The following PADI4 variants were observed in gnomAD, a reference collection of about 807,000 sequenced individuals.
PADI4 encodes the protein protein-arginine deiminase type-4.
A neutral mutation model predicts 75.0 loss-of-function variants in PADI4; 62 were observed. That is an observed-to-expected ratio of 0.83 (90% CI 0.67 to 1.02). PADI4 has a LOEUF of 1.02. Ranked by LOEUF, PADI4 falls within the 50% of genes least tolerant of loss-of-function variation. The probability of loss-of-function intolerance (pLI) is 0.00; values close to 1 mark genes in which losing one functional copy is unlikely to be tolerated. For synonymous variants in PADI4, 361 were observed against 348.1 expected (o/e 1.04, Z -0.41); for missense variants, 845 against 850.5 (o/e 0.99, Z 0.08).
At chr1:17,318,357 T>C (rs2073976326) in intron 1 of PADI4, among the ~76,000 whole-genome samples, 1 of 152,154 alleles carries the variant, frequency 6.6e-6, no homozygotes, top group South Asian at 2.1e-4. Context: ...AGAATAACAA[T>C]GGCTCACTCA....
chr1:17,352,532 G>C (rs1478009333), intron 10 of PADI4, among the ~76,000 whole-genome samples: 1 of 152,092 alleles, frequency 6.6e-6, no homozygotes, highest in African/African-American at 2.4e-5. Flanking sequence ...TGCAGGCAGG[G>C]TGTGGCCAGA....
intron 2 of PADI4, among the ~76,000 whole-genome samples, chr1:17,331,688 C>A (rs113063571): frequency 6.6e-6 from 1 of 151,938 alleles, no homozygotes; most frequent in Non-Finnish European, 1.5e-5. Context: ...GAGGCCGAGG[C>A]GGGTGGATCA....
intron 10 of PADI4, chr1:17,348,288 G>A: frequency 2.6e-6 from 1 of 389,006 alleles, no homozygotes; most frequent in South Asian, 4.4e-5. Context: ...TGATCTCCAG[G>A]TAACCCTGCC....
In PADI4 at chr1:17,358,767, C is replaced by A. The variant is rs966356426; in HGVS notation, c.1559-71C>A. The A allele has an allele frequency of 2.1e-5, 20 of 962,186 alleles. No homozygotes were observed. In the East Asian group the frequency reaches 4.4e-4, roughly 21 times the overall value. 59.6% of individuals were successfully genotyped at this position (962,186 alleles called of 1,614,324 possible). On this transcript the variant is annotated intron_variant, in intron 13 of 15. Coordinates refer to ENST00000375448, the MANE Select transcript of PADI4 (RefSeq NM_012387.3). ...TAGATGGGAACACTGAGTCCCCCCC[C>A]GGCACTGGCTGGGAAGAGGGAAATC...
chr1:17,340,130 A>G (rs2074391812), intron 6 of PADI4, among the ~76,000 whole-genome samples: 1 of 151,766 alleles, frequency 6.6e-6, no homozygotes, highest in African/African-American at 2.4e-5. Context: ...GCATGTAATC[A>G]TTTGTTCTGC....
intron 1 of PADI4, among the ~76,000 whole-genome samples, chr1:17,324,269 A>G (rs1221619735): frequency 6.6e-6 from 1 of 151,368 alleles, no homozygotes; most frequent in Admixed American, 6.6e-5. Flanking sequence ...TGGGTATAAA[A>G]CCCTATTTCT....
intron 1 of PADI4, among the ~76,000 whole-genome samples, chr1:17,318,752 C>A (rs2073983728): frequency 6.7e-6 from 1 of 149,210 alleles, no homozygotes; most frequent in African/African-American, 2.5e-5. Context: ...GTGGCGCGAT[C>A]TTGGCTCACT....
chr1:17,308,340 T>C lies in PADI4; in HGVS notation c.92+26T>C. 3 of 1,579,656 alleles carry C rather than the reference T, an allele frequency of 1.9e-6. No homozygotes were observed. The South Asian group carries it at 3.3e-5, about 17-fold the overall frequency. On this transcript the variant is annotated intron_variant, in intron 1 of 15. Coordinates refer to ENST00000375448, the MANE Select transcript of PADI4 (RefSeq NM_012387.3). ...GTAAGAGGGGGGCCTTCTGGGGTTT[T>C]GGAGGCAGGTCAGGAGATGCTGGAT... is the stretch of plus-strand genomic sequence containing the variant.
Position 17,355,888 on chromosome 1 carries a change from G to A in PADI4, c.1311-95G>A, listed in dbSNP as rs909773413. ...CTCCTGCATCCCTTTCTCAGCTGAAGGAGAACCCTGACCTTTTTGCCAAGC... is the reference window on the plus strand; with the variant it reads ...CTCCTGCATCCCTTTCTCAGCTGAAAGAGAACCCTGACCTTTTTGCCAAGC... On this transcript the variant is annotated intron_variant, in intron 11 of 15. Coordinates refer to ENST00000375448, the MANE Select transcript of PADI4 (RefSeq NM_012387.3). The A allele has an allele frequency of 8.0e-5, 101 of 1,265,150 alleles. 1 individual carries two copies. The highest frequency in any genetic ancestry group is 9.7e-5 in the Non-Finnish European group (84 of 864,320). The allele number at this position is 1,265,150 out of a possible 1,614,324, so 78.4% of individuals were successfully genotyped here.
At chr1:17,311,335 C>G (rs2073823923) in intron 1 of PADI4, among the ~76,000 whole-genome samples, 3 of 152,128 alleles carry the variant, frequency 2.0e-5, no homozygotes, top group East Asian at 1.9e-4. Flanking sequence ...GCAGCCCACC[C>G]TGCCTCCAAA....
chr1:17,324,882 T>C (rs2074094084), intron 1 of PADI4, among the ~76,000 whole-genome samples: 1 of 152,264 alleles, frequency 6.6e-6, no homozygotes, highest in Non-Finnish European at 1.5e-5. Context: ...GCAACATTTA[T>C]GATATAGTCT....
rs2074756134 is a variant in PADI4 at position 17,356,132 on chromosome 1, A to C, written c.1455+5A>C. ...GTGCCAGCACCCGACAGGAAGGTAC[A>C]GTCTTGGGGGCTGCCTCAGGAAGCC... On this transcript the variant is annotated splice_donor_5th_base_variant and intron_variant, in intron 12 of 15. Coordinates refer to ENST00000375448, the MANE Select transcript of PADI4 (RefSeq NM_012387.3). This position sits in a 1 kb window ranked among gnomAD's most constrained non-coding sequence, Gnocchi z 4.1. The C allele has an allele frequency of 6.2e-7, 1 of 1,613,706 alleles. No individual in the cohort carries two copies. The highest frequency in any genetic ancestry group is 2.2e-5 in the East Asian group (1 of 44,858).
Position 17,336,188 on chromosome 1 carries a change from A to G in PADI4, c.370A>G (p.Thr124Ala), listed in dbSNP as rs1570036630. The change falls in exon 4 of 16, where the codon ACC becomes GCC. Residue 124 changes from threonine to alanine, a missense_variant. By Grantham distance (58) the Thr-to-Ala change is moderately conservative. Transcript: ENST00000375448. ...EISLCADITR[T>A]GKVKPTRAVK... ...CTCCTTGTGCGCAGACATCACCCGC[A>G]CCGGCAAAGTGAAGCCAACCAGAGC... 6.2e-7 allele frequency: 1 copy of G among 1,613,754 alleles called. No homozygotes were observed. The highest frequency in any genetic ancestry group is 8.5e-7 in the Non-Finnish European group (1 of 1,179,650).
At position 17,341,017 on chromosome 1, in the gene PADI4, T is replaced by A. The variant is rs374117772; in HGVS notation, c.653-926T>A. The stretch of plus-strand genomic sequence containing the variant: ...GATTTCACCAGGTTGGCCAGACAGG[T>A]CTCGAACTCCTGACCTCAAATGATC... On this transcript the variant is annotated intron_variant, in intron 6 of 15. Transcript: ENST00000375448. Among the ~76,000 whole-genome samples, 4 of 151,614 alleles carry A rather than the reference T, an allele frequency of 2.6e-5. No homozygotes were observed. In the South Asian group the frequency reaches 8.3e-4, roughly 32 times the overall value.
intron 5 of PADI4, among the ~76,000 whole-genome samples, chr1:17,338,533 G>A (rs1025320614): frequency 1.4e-4 from 21 of 152,182 alleles, no homozygotes; most frequent in African/African-American, 4.6e-4. Context: ...CCATAGGCCG[G>A]GCACGACTCT....
intron 1 of PADI4, among the ~76,000 whole-genome samples, chr1:17,328,955 C>T (rs1340303991): frequency 2.7e-5 from 4 of 149,336 alleles, no homozygotes; most frequent in East Asian, 1.9e-4. Flanking sequence ...TTTAAAATAT[C>T]GGTTTTTGTT....
intron 1 of PADI4, among the ~76,000 whole-genome samples, chr1:17,327,307 AC>A (rs2074131699): frequency 6.6e-6 from 1 of 152,156 alleles, no homozygotes; most frequent in Admixed American, 6.6e-5. Context: ...CTCTATTGAT[AC>A]CAATGTGTTT....
intron 13 of PADI4, 47 bp from the exon 14 acceptor site, chr1:17,358,791 T>C (rs1570100153): frequency 7.6e-7 from 1 of 1,312,346 alleles, no homozygotes; most frequent in Admixed American, 2.0e-5. Flanking sequence ...AAGAGGGAAA[T>C]CGACCTCTAA....
chr1:17,338,272 G>A, intron 5 of PADI4, 117 bp downstream of exon 5: 1 of 720,690 alleles, frequency 1.4e-6, no homozygotes, highest in Non-Finnish European at 2.5e-6. Context: ...CTTCTTGTTG[G>A]CAAATCTGTT....
Sources: gnomAD v4.1 joint callset for allele counts (sites outside exome capture counted in the v4.1 genomes callset) on GRCh38, gnomAD v4.1.1 for gene constraint, Gnocchi (gnomAD v3.1) non-coding constraint, MANE v1.5 for transcripts, NCBI Gene and HGNC (gene_info 2026-07-23, HGNC 2026-07-21) for gene names.